Variants in MAPKBP1 observed in about 807,000 individuals in gnomAD.
MAPKBP1 encodes the protein mitogen-activated protein kinase-binding protein 1.
In MAPKBP1, 71 loss-of-function variants were observed where a neutral mutation model predicts 170.5. The ratio of observed to expected loss-of-function variants is 0.42; its 90% CI spans 0.34 to 0.51. The LOEUF is 0.51. Among genes scored for constraint, MAPKBP1 ranks in the 20% least tolerant of loss-of-function variants. MAPKBP1 has a pLI of 0.06. For synonymous variants in MAPKBP1, 719 were observed against 757.9 expected (o/e 0.95, Z 0.84); for missense variants, 1,598 against 1,933.0 (o/e 0.83, Z 3.25).
intron 2 of MAPKBP1, among the ~76,000 whole-genome samples, chr15:41,784,780 CAA>C (rs35050206): frequency 2.1e-5 from 2 of 94,832 alleles, no homozygotes; most frequent in Admixed American, 1.3e-4. Context: ...GACTCCGTCT[CAA>C]AAAAAAAAAA....
At chr15:41,814,880 C>A in intron 10 of MAPKBP1, 141 bp downstream of exon 10, 1 of 1,099,594 alleles carries the variant, frequency 9.1e-7, no homozygotes. Flanking sequence ...GGGATAGATC[C>A]TGGGGACTGA....
Position 41,815,640 on chromosome 15 carries a change from T to C in MAPKBP1, c.1334T>C (p.Ile445Thr). 1 of 1,613,838 alleles carries C rather than the reference T, an allele frequency of 6.2e-7. No homozygotes were observed. The highest frequency in any genetic ancestry group is 1.3e-5 in the African/African-American group (1 of 75,054). The stretch of plus-strand genomic sequence containing the variant: ...TTCCACTAGGACCTCATTAAAATCA[T>C]CTATGTGGATGGGAACACCCAGGCC... ...NILSSDLIKI[I>T]YVDGNTQALL... The change falls in exon 12 of 31, where the codon ATC becomes ACC. Residue 445 changes from isoleucine to threonine, a missense_variant. Ile to Thr is a moderately conservative substitution (Grantham distance 89). Around this residue, in one of 6 missense-constraint regions of MAPKBP1, gnomAD observed 430 missense variants for 617.2 expected, o/e 0.70. Coordinates refer to ENST00000457542, the MANE Select transcript of MAPKBP1 (RefSeq NM_014994.3).
At chr15:41,777,881 A>G (rs181794792) in intron 2 of MAPKBP1, among the ~76,000 whole-genome samples, 6 of 152,342 alleles carry the variant, frequency 3.9e-5, no homozygotes. Context: ...AAAGAAGGAA[A>G]TGTCAGAAAG....
At position 41,815,386 on chromosome 15, in the gene MAPKBP1, A is replaced by C; in HGVS notation, c.1298A>C (p.His433Pro). The change falls in exon 11 of 31, where the codon CAC (histidine) becomes CCC (proline). Residue 433 changes from histidine (H) to proline (P), a missense_variant. By Grantham distance (77) the His-to-Pro change is moderately conservative. Coordinates refer to ENST00000457542, the MANE Select transcript of MAPKBP1 (RefSeq NM_014994.3). ...TCCGGGGTGCATGGCTCCACCCTCC[A>C]CCGAAACATCCTCAGCAGTGTGAGC... ...ESSGVHGSTL[H>P]RNILSSDLIK... is the part of the protein sequence containing the mutation. 1 of 1,614,060 alleles carries C rather than the reference A, an allele frequency of 6.2e-7. No homozygotes were observed. The highest frequency in any genetic ancestry group is 8.5e-7 in the Non-Finnish European group (1 of 1,180,004).
chr15:41,789,417 T>C (rs1361495321), intron 2 of MAPKBP1, among the ~76,000 whole-genome samples: 1 of 152,210 alleles, frequency 6.6e-6, no homozygotes. Context: ...TACCAGGCAC[T>C]GTAAAAGCTG....
intron 2 of MAPKBP1, among the ~76,000 whole-genome samples, chr15:41,786,371 T>G (rs1304944919): frequency 2.0e-5 from 3 of 152,196 alleles, no homozygotes; most frequent in Non-Finnish European, 4.4e-5. Flanking sequence ...GTCTCTCCAA[T>G]TTAAACATGT....
intron 2 of MAPKBP1, among the ~76,000 whole-genome samples, chr15:41,778,806 A>G (rs936324534): frequency 6.6e-6 from 1 of 152,222 alleles, no homozygotes; most frequent in African/African-American, 2.4e-5. Context: ...CAAAGGATAG[A>G]AATGGACCAA....
At chr15:41,777,864 G>A (rs1167755818) in intron 2 of MAPKBP1, among the ~76,000 whole-genome samples, 1 of 152,178 alleles carries the variant, frequency 6.6e-6, no homozygotes, top group African/African-American at 2.4e-5. Flanking sequence ...TGCCCCTTTT[G>A]GGGGGCAAAG....
intron 3 of MAPKBP1, among the ~76,000 whole-genome samples, chr15:41,803,712 C>A (rs2064641768): frequency 6.6e-6 from 1 of 151,942 alleles, no homozygotes; most frequent in Non-Finnish European, 1.5e-5. Flanking sequence ...GAAACCCTGC[C>A]TCTTAAAAAA....
rs2065132451 is a variant in MAPKBP1 at position 41,827,480 on chromosome 15, C to G, written c.*2044C>G. The G allele has an allele frequency of 6.6e-6, 1 of 152,140 alleles. No individual in the cohort carries two copies. Among genetic ancestry groups the G allele is most frequent in the Admixed American group, 6.5e-5 (1 of 15,274 alleles). The allele number at this position is 152,140 out of a possible 1,614,324, so 9.4% of individuals were successfully genotyped here. A position where few individuals can be genotyped will look rare whatever the true frequency, so the allele number is the denominator to read the frequency against. ...CCTGCTGTGCCCCGACTTCCCACAC[C>G]AGCCGCGCCCACCGCAGGTGGGACT... On this transcript the variant is annotated 3_prime_UTR_variant, in exon 31 of 31. Transcript: ENST00000457542.
chr15:41,817,778 C>A lies in MAPKBP1; in HGVS notation c.1904+43C>A, dbSNP rs1277379872. The stretch of plus-strand genomic sequence containing the variant: ...AGACTCTGCCCACATTCCTTCATCT[C>A]CCTACGGGGTCAGCTCTGTGCAGCT... On this transcript the variant is annotated intron_variant, in intron 16 of 30. Coordinates refer to ENST00000457542, the MANE Select transcript of MAPKBP1 (RefSeq NM_014994.3). This position sits in a 1 kb window ranked among gnomAD's most constrained non-coding sequence, Gnocchi z 4.2. The A allele has an allele frequency of 6.9e-6, 11 of 1,600,228 alleles. No homozygotes were observed. The highest frequency in any genetic ancestry group is 8.5e-6 in the Non-Finnish European group (10 of 1,173,184).
At chr15:41,788,413 TC>T (rs1363490299) in intron 2 of MAPKBP1, among the ~76,000 whole-genome samples, 3 of 151,886 alleles carry the variant, frequency 2.0e-5, no homozygotes, top group African/African-American at 7.3e-5. Context: ...ATAAGACAAA[TC>T]CATAAAGAAT....
At chr15:41,811,313 C>A in intron 5 of MAPKBP1, 78 bp downstream of exon 5, 1 of 1,515,756 alleles carries the variant, frequency 6.6e-7, no homozygotes, top group Non-Finnish European at 9.2e-7. Context: ...GGTCCTAGGC[C>A]TGCTGTCACT....
chr15:41,821,402 G>C, intron 23 of MAPKBP1, 182 bp from the exon 24 acceptor site: 1 of 634,110 alleles, frequency 1.6e-6, no homozygotes, highest in South Asian at 2.0e-5. Context: ...CTGGAGCCCA[G>C]CCTGGCTTCT....
At chr15:41,819,138 G>A in intron 20 of MAPKBP1, 108 bp from the exon 21 acceptor site, 2 of 1,463,578 alleles carry the variant, frequency 1.4e-6, no homozygotes, top group South Asian at 2.5e-5. Flanking sequence ...TCCCCCTATT[G>A]AGTCTCATCT....
At chr15:41,819,522 G>A (rs766476619) in intron 21 of MAPKBP1, 73 bp from the exon 22 acceptor site, 15 of 1,518,338 alleles carry the variant, frequency 9.9e-6, no homozygotes, top group Non-Finnish European at 1.3e-5. Flanking sequence ...TGGGCTGATG[G>A]GGCCAGGGCT....
chr15:41,816,701 C>T, intron 13 of MAPKBP1, 51 bp downstream of exon 13: 2 of 1,543,546 alleles, frequency 1.3e-6, no homozygotes, highest in Non-Finnish European at 1.8e-6. Context: ...CTGCCGGTGC[C>T]ACTTATATCT....
At chr15:41,822,836 G>T in intron 27 of MAPKBP1, 103 bp from the exon 28 acceptor site, 4 of 1,493,502 alleles carry the variant, frequency 2.7e-6, no homozygotes, top group Non-Finnish European at 3.6e-6. Flanking sequence ...CTGGCTTTGT[G>T]CTTGTTCTCT....
chr15:41,807,299 T>G (rs1283263724), intron 3 of MAPKBP1, among the ~76,000 whole-genome samples: 1 of 152,228 alleles, frequency 6.6e-6, no homozygotes, highest in East Asian at 1.9e-4. Flanking sequence ...GAGGATATTG[T>G]GTCCCAGGAA....
Sources: allele counts gnomAD v4.1 joint callset (sites outside exome capture counted in the v4.1 genomes callset), GRCh38; gene constraint gnomAD v4.1.1; regional missense constraint gnomAD v4.1.1; non-coding constraint Gnocchi (gnomAD v3.1); transcripts MANE v1.5; gene names NCBI Gene and HGNC (gene_info 2026-07-23, HGNC 2026-07-21).